IGSF11: variants seen among roughly 807,000 people sequenced by gnomAD.
IGSF11 encodes CXADR like 1.
IGSF11 carries 22 observed loss-of-function variants against 41.0 expected under a neutral mutation model. That is an observed-to-expected ratio of 0.54 (90% CI 0.38 to 0.77). The LOEUF (loss-of-function observed/expected upper bound fraction) is 0.77, where lower values mean the gene tolerates loss of function less well. Among genes scored for constraint, IGSF11 ranks in the 30% least tolerant of loss-of-function variants. IGSF11 has a pLI of 0.00. For missense variants in IGSF11, 444 were observed against 530.8 expected (o/e 0.84, Z 1.61); for synonymous variants, 219 against 201.3 (o/e 1.09, Z -0.74).
At chr3:118,967,612 A>G (rs911713044) in intron 1 of IGSF11, among the ~76,000 whole-genome samples, 1 of 152,124 alleles carries the variant, frequency 6.6e-6, no homozygotes, top group Non-Finnish European at 1.5e-5. Flanking sequence ...TAGGAATTCA[A>G]CTTAGAAATT....
chr3:118,954,914 T>G (rs533209930), intron 1 of IGSF11, among the ~76,000 whole-genome samples: 1 of 152,150 alleles, frequency 6.6e-6, no homozygotes, highest in African/African-American at 2.4e-5. Context: ...GATATTGGCA[T>G]GGATGAGGTA....
At chr3:119,074,545 C>T (rs1414325162) in intron 1 of IGSF11, among the ~76,000 whole-genome samples, 1 of 151,212 alleles carries the variant, frequency 6.6e-6, no homozygotes, top group Admixed American at 6.6e-5. Context: ...GTGTTAAACA[C>T]CCACATCAAA....
chr3:119,105,132 C>T (rs745468976), intron 1 of IGSF11: 2 of 1,582,034 alleles, frequency 1.3e-6, no homozygotes, highest in Non-Finnish European at 1.7e-6. Flanking sequence ...TTTCCAATGT[C>T]AAGTCACTAA....
At chr3:118,905,266 G>A (rs76826474) in intron 5 of IGSF11, among the ~76,000 whole-genome samples, 2,444 of 151,948 alleles carry the variant, frequency 0.016, 80 homozygotes, top group African/African-American at 0.055. Context: ...GCAGATAAAA[G>A]AAACAAGGAA....
chr3:119,024,908 T>C (rs2107720804), intron 1 of IGSF11, among the ~76,000 whole-genome samples: 1 of 152,284 alleles, frequency 6.6e-6, no homozygotes, highest in East Asian at 1.9e-4. Flanking sequence ...TGCTTTGAAC[T>C]GACCCCTTCC....
At chr3:118,980,299 A>G (rs1210863428) in intron 1 of IGSF11, among the ~76,000 whole-genome samples, 2 of 152,246 alleles carry the variant, frequency 1.3e-5, no homozygotes, top group African/African-American at 4.8e-5. Context: ...GATGATGAAT[A>G]AAGGAAATAT....
chr3:119,055,402 T>C (rs1347294606), intron 1 of IGSF11, among the ~76,000 whole-genome samples: 3 of 152,170 alleles, frequency 2.0e-5, no homozygotes, highest in African/African-American at 7.2e-5. Flanking sequence ...AAGGGATCAA[T>C]TCAACAAGAA....
chr3:119,071,114 A>C lies in IGSF11; in HGVS notation c.49+34030T>G, dbSNP rs2107466519. Among the ~76,000 whole-genome samples, 3 of 152,334 alleles carry C rather than the reference A, an allele frequency of 2.0e-5. No homozygotes were observed. The Middle Eastern group carries it at 0.01, about 518-fold the overall frequency. Reference sequence around the variant, plus strand: ...CAGAAGTTTTCATGAGCACATGTGAAACACCAGAATCATAGAGCTTCTATG... The same window carrying C: ...CAGAAGTTTTCATGAGCACATGTGACACACCAGAATCATAGAGCTTCTATG... On this transcript the variant is annotated intron_variant, in intron 1 of 6. Transcript: ENST00000354673.
chr3:119,059,194 C>CACACAT (rs1941969035), intron 1 of IGSF11, among the ~76,000 whole-genome samples: 1 of 150,820 alleles, frequency 6.6e-6, no homozygotes, highest in Admixed American at 6.6e-5. Flanking sequence ...CACACACACA[C>CACACAT]ACACACACAC....
chr3:119,008,169 A>T (rs551046078), intron 1 of IGSF11, among the ~76,000 whole-genome samples: 1 of 152,326 alleles, frequency 6.6e-6, no homozygotes, highest in African/African-American at 2.4e-5. Flanking sequence ...GAAATGAACA[A>T]CAACAACAAA....
intron 1 of IGSF11, among the ~76,000 whole-genome samples, chr3:119,145,118 T>C (rs1469678823): frequency 2.0e-5 from 3 of 152,198 alleles, no homozygotes; most frequent in Non-Finnish European, 4.4e-5. Flanking sequence ...CCCTTTCCAT[T>C]CCTAAGTATG....
chr3:119,010,626 C>A (rs909809622), intron 1 of IGSF11, among the ~76,000 whole-genome samples: 1 of 152,208 alleles, frequency 6.6e-6, no homozygotes, highest in Non-Finnish European at 1.5e-5. Flanking sequence ...ACTCCCAATT[C>A]TCAATCCTCC....
chr3:118,952,962 C>T (rs1353087076), intron 1 of IGSF11, among the ~76,000 whole-genome samples: 2 of 151,832 alleles, frequency 1.3e-5, no homozygotes, highest in Non-Finnish European at 2.9e-5. Flanking sequence ...TGGATAAGTG[C>T]TTTAGTGGTG....
rs112916015 is a variant in IGSF11 at position 118,920,388 on chromosome 3, A to C, written c.580+5713T>G. Among the ~76,000 whole-genome samples, 1,284 of 152,010 alleles carry C rather than the reference A, an allele frequency of 8.4e-3. 23 individuals carry two copies. The highest frequency in any genetic ancestry group is 0.03 in the African/African-American group (1,229 of 41,504). Reference sequence around the variant, plus strand: ...AATAGAAAACCTCCAATAAAATATTAGACATTGAACCATACCCATAATCAA... The same window carrying C: ...AATAGAAAACCTCCAATAAAATATTCGACATTGAACCATACCCATAATCAA... On this transcript the variant is annotated intron_variant, in intron 4 of 6. Coordinates refer to ENST00000393775, the MANE Select transcript of IGSF11 (RefSeq NM_001015887.3).
intron 1 of IGSF11, among the ~76,000 whole-genome samples, chr3:119,118,316 C>T (rs2077286608): frequency 1.3e-5 from 2 of 152,224 alleles, no homozygotes; most frequent in Admixed American, 6.5e-5. Context: ...TGGAGATTCC[C>T]AAACCCCAAT....
At chr3:119,077,185 G>A (rs2076514270) in intron 1 of IGSF11, among the ~76,000 whole-genome samples, 1 of 151,868 alleles carries the variant, frequency 6.6e-6, no homozygotes, top group African/African-American at 2.4e-5. Flanking sequence ...ACCAAACACT[G>A]CATGTTCTCA....
intron 1 of IGSF11, among the ~76,000 whole-genome samples, chr3:119,021,892 G>C (rs139865008): frequency 6.6e-6 from 1 of 152,128 alleles, no homozygotes; most frequent in Non-Finnish European, 1.5e-5. Flanking sequence ...AAAAAAGCAA[G>C]TCATAGAGTA....
chr3:119,111,827 C>A (rs2077167892), intron 1 of IGSF11, among the ~76,000 whole-genome samples: 1 of 152,228 alleles, frequency 6.6e-6, no homozygotes, highest in East Asian at 1.9e-4. Context: ...CCCTCAACTG[C>A]AGGACTGTTG....
Position 119,124,995 on chromosome 3 carries a change from G to A in IGSF11, c.-13-19790C>T, listed in dbSNP as rs893214793. 2.3e-4 allele frequency among the ~76,000 whole-genome samples: 35 copies of A among 152,144 alleles called. 1 individual carries two copies. Among genetic ancestry groups the A allele is most frequent in the Non-Finnish European group, 4.4e-5 (3 of 68,014 alleles). ...TCAGTGGAAACCTTACAGGTCTGGA[G>A]AAAGTGACACAAATTTAAAATGCCA... On this transcript the variant is annotated intron_variant, in intron 1 of 7. Coordinates refer to the IGSF11 transcript ENST00000425327.
Sources: allele counts gnomAD v4.1 joint callset (sites outside exome capture counted in the v4.1 genomes callset), GRCh38; gene constraint gnomAD v4.1.1; transcripts MANE v1.5; gene names NCBI Gene and HGNC (gene_info 2026-07-23, HGNC 2026-07-21).